DLC1: variants seen among roughly 807,000 people sequenced by gnomAD.
DLC1 encodes the protein DLC1 Rho GTPase activating protein.
DLC1 carries 54 observed loss-of-function variants against 140.3 expected under a neutral mutation model. That is an observed-to-expected ratio of 0.38 (90% CI 0.31 to 0.48). The LOEUF (loss-of-function observed/expected upper bound fraction) is 0.48. Among genes scored for constraint, DLC1 ranks in the 20% least tolerant of loss-of-function variants. The pLI, the probability that DLC1 is intolerant of heterozygous loss-of-function variation, is 0.96. For missense variants in DLC1, 2,536 were observed against 1,907.0 expected, an observed-to-expected ratio of 1.33 and a Z score of -6.14; for synonymous variants, 986 against 728.1, an observed-to-expected ratio of 1.35 and a Z score of -5.70.
intron 5 of DLC1, among the ~76,000 whole-genome samples, chr8:13,130,314 T>C (rs1821973596): frequency 6.6e-6 from 1 of 152,184 alleles, no homozygotes; most frequent in Admixed American, 6.5e-5. Context: ...CCCATAATAG[T>C]TCTACAAATA....
intron 5 of DLC1, among the ~76,000 whole-genome samples, chr8:13,136,144 G>A (rs2128967180): frequency 6.6e-6 from 1 of 152,286 alleles, no homozygotes; most frequent in South Asian, 2.1e-4. Context: ...GACTTTTAGA[G>A]CAGGCCACTT....
At chr8:13,585,578 T>G (rs1403224756) in intron 1 of DLC1, among the ~76,000 whole-genome samples, 1 of 152,210 alleles carries the variant, frequency 6.6e-6, no homozygotes, top group Non-Finnish European at 1.5e-5. Flanking sequence ...AACATACGTG[T>G]ATTGTCTCTG....
intron 5 of DLC1, among the ~76,000 whole-genome samples, chr8:13,175,309 T>C (rs1440351757): frequency 6.6e-6 from 1 of 152,006 alleles, no homozygotes; most frequent in African/African-American, 2.4e-5. Context: ...CCAGCTTTTT[T>C]TTTTTTTTTG....
chr8:13,379,259 C>G (rs1305314909), intron 4 of DLC1, among the ~76,000 whole-genome samples: 1 of 152,100 alleles, frequency 6.6e-6, no homozygotes, highest in African/African-American at 2.4e-5. Context: ...GCCTAATTGC[C>G]TTCACCCATT....
rs1008537947 is a variant in DLC1, at chr8:13,305,749, A to C, written c.1315-447T>G. Among the ~76,000 whole-genome samples the C allele has an allele frequency of 1.2e-4, 19 of 152,208 alleles. No individual in the cohort carries two copies. In the East Asian group the frequency reaches 3.5e-3, roughly 28 times the overall value. On this transcript the variant is annotated intron_variant, in intron 4 of 17. Coordinates refer to ENST00000276297, the MANE Select transcript of DLC1 (RefSeq NM_182643.3). ...CTACTTGGAAGGCTGAGGTAGGAGA[A>C]TCACCTGAGCCCAGGGAGATCAAAG...
intron 5 of DLC1, among the ~76,000 whole-genome samples, chr8:13,278,750 C>T (rs1036071503): frequency 6.6e-6 from 1 of 152,100 alleles, no homozygotes; most frequent in African/African-American, 2.4e-5. Flanking sequence ...AGCTTTTCTA[C>T]ACCTAAACAC....
chr8:13,084,227 A>G lies in DLC1; in HGVS notation c.*1584T>C, dbSNP rs1817372838. On this transcript the variant is annotated 3_prime_UTR_variant, in exon 18 of 18. Coordinates refer to ENST00000276297, the MANE Select transcript of DLC1 (RefSeq NM_182643.3). ...ATCTTACAAATCTGGAAGCCATCAA[A>G]ATTGAATATCCATGTATATCTTCAT... The G allele has an allele frequency of 6.6e-6, 1 of 152,652 alleles. No individual in the cohort carries two copies. Among genetic ancestry groups the G allele is most frequent in the Admixed American group, 6.5e-5 (1 of 15,286 alleles). 9.5% of individuals were successfully genotyped at this position (152,652 alleles called of 1,614,324 possible). A position where few individuals can be genotyped will look rare whatever the true frequency, so the allele number is the denominator to read the frequency against.
At chr8:13,566,746 G>C in intron 1 of DLC1, 1 of 499,934 alleles carries the variant, frequency 2.0e-6, no homozygotes. Flanking sequence ...CCAACCCGGC[G>C]CAAGCAGCGC....
chr8:13,567,791 A>G, intron 1 of DLC1: 1 of 1,551,920 alleles, frequency 6.4e-7, no homozygotes, highest in Non-Finnish European at 8.7e-7. Context: ...AGACTGACTG[A>G]GAAAAGTCAT....
chr8:13,240,213 C>T (rs759453203), intron 5 of DLC1, among the ~76,000 whole-genome samples: 9 of 152,010 alleles, frequency 5.9e-5, no homozygotes, highest in Non-Finnish European at 8.8e-5. Flanking sequence ...GCTCTTTTCC[C>T]GTAGTAGTGT....
intron 2 of DLC1, among the ~76,000 whole-genome samples, chr8:13,435,133 A>G (rs906026094): frequency 1.3e-5 from 2 of 152,200 alleles, no homozygotes; most frequent in South Asian, 4.1e-4. Flanking sequence ...TCATGGAAGG[A>G]GGTAAAAATA....
At chr8:13,571,840 C>T (rs1004851283) in intron 1 of DLC1, among the ~76,000 whole-genome samples, 4 of 152,136 alleles carry the variant, frequency 2.6e-5, no homozygotes, top group Admixed American at 6.5e-5. Flanking sequence ...TACAAGGATT[C>T]GGATTTTTTC....
intron 2 of DLC1, among the ~76,000 whole-genome samples, chr8:13,438,001 C>T (rs1235886499): frequency 1.3e-5 from 2 of 149,582 alleles, no homozygotes; most frequent in African/African-American, 4.9e-5. Flanking sequence ...TTATATAATT[C>T]ATGTTGTTTA....
chr8:13,216,123 T>C (rs1828190334), intron 5 of DLC1, among the ~76,000 whole-genome samples: 1 of 152,178 alleles, frequency 6.6e-6, no homozygotes, highest in African/African-American at 2.4e-5. Flanking sequence ...TCAGACCCAG[T>C]TTCCTCTCCT....
intron 4 of DLC1, among the ~76,000 whole-genome samples, chr8:13,352,296 C>G (rs545990038): frequency 5.3e-5 from 8 of 152,168 alleles, no homozygotes; most frequent in Non-Finnish European, 8.8e-5. Context: ...AAAGGGAGAG[C>G]CTTTGATCCA....
intron 5 of DLC1, among the ~76,000 whole-genome samples, chr8:13,127,023 G>C (rs1402061360): frequency 6.6e-6 from 1 of 152,140 alleles, no homozygotes; most frequent in Non-Finnish European, 1.5e-5. Context: ...AGGAGTATAA[G>C]CCACCTCCAG....
At position 13,084,574 on chromosome 8, in the gene DLC1, T is replaced by C. The variant is rs1379297332; in HGVS notation, c.*1237A>G. 1 of 149,142 alleles carries C rather than the reference T, an allele frequency of 6.7e-6. No homozygotes were observed. The highest frequency in any genetic ancestry group is 2.0e-4 in the East Asian group (1 of 5,092). 9.2% of individuals were successfully genotyped at this position (149,142 alleles called of 1,614,324 possible). A position where few individuals can be genotyped will look rare whatever the true frequency, so the allele number is the denominator to read the frequency against. On this transcript the variant is annotated 3_prime_UTR_variant, in exon 18 of 18. Transcript: ENST00000276297. ...GTTTTACTATGATTACTATTTTTCA[T>C]TACCACTTAAATATATTTCCAGGGC...
At chr8:13,450,252 C>T (rs1490735446) in intron 2 of DLC1, among the ~76,000 whole-genome samples, 2 of 151,426 alleles carry the variant, frequency 1.3e-5, no homozygotes, top group Non-Finnish European at 2.9e-5. Flanking sequence ...GTCAGGAGTT[C>T]GAGACCAGTC....
rs1193108327 is a variant in DLC1 at position 13,110,544 on chromosome 8, T to C, written c.1502+198A>G. Among the ~76,000 whole-genome samples, 4 of 152,180 alleles carry C rather than the reference T, an allele frequency of 2.6e-5. No homozygotes were observed. In the East Asian group the frequency reaches 7.7e-4, roughly 29 times the overall value. On this transcript the variant is annotated intron_variant, in intron 7 of 17. Coordinates refer to ENST00000276297, the MANE Select transcript of DLC1 (RefSeq NM_182643.3). ...TGTGTGAGTACTTCCTAGGACAGCG[T>C]GGATGCTATTTTAATGGCAATACTA...
Sources: allele counts gnomAD v4.1 joint callset (sites outside exome capture counted in the v4.1 genomes callset), GRCh38; gene constraint gnomAD v4.1.1; transcripts MANE v1.5; gene names NCBI Gene and HGNC (gene_info 2026-07-23, HGNC 2026-07-21).